GLUD1: variants seen among roughly 807,000 people sequenced by gnomAD.
GLUD1 encodes the protein glutamate dehydrogenase 1, also known as glutamate dehydrogenase 1, mitochondrial.
A neutral mutation model predicts 56.0 loss-of-function variants in GLUD1; 22 were observed. That is an observed-to-expected ratio of 0.39 (90% CI 0.28 to 0.56). The LOEUF (loss-of-function observed/expected upper bound fraction) is 0.56. Ranked by LOEUF, GLUD1 falls within the 20% of genes least tolerant of loss-of-function variation. The pLI, the probability that GLUD1 is intolerant of heterozygous loss-of-function variation, is 0.58. For missense variants in GLUD1, 451 were observed against 732.0 expected, an observed-to-expected ratio of 0.62 and a Z score of 4.43; for synonymous variants, 223 against 269.9, an observed-to-expected ratio of 0.83 and a Z score of 1.70.
intron 1 of GLUD1, among the ~76,000 whole-genome samples, chr10:87,088,006 G>A (rs1432504514): frequency 1.3e-5 from 2 of 152,028 alleles, no homozygotes; most frequent in African/African-American, 4.8e-5. Context: ...GCTTGAACCT[G>A]GTAAGCAGAG....
At chr10:87,054,442 CCA>C (rs1845714883) in intron 11 of GLUD1, among the ~76,000 whole-genome samples, 1 of 152,094 alleles carries the variant, frequency 6.6e-6, no homozygotes, top group Non-Finnish European at 1.5e-5. Flanking sequence ...AGGGAGAAAA[CCA>C]GGAGAATGTG....
chr10:87,050,852 G>C lies in GLUD1; in HGVS notation c.*899C>G, dbSNP rs1472582264. ...GGTTTTTTTCTGGGACACTCTACTT[G>C]AATTATTGTTTAATTAGTCAACCAT... On this transcript the variant is annotated 3_prime_UTR_variant, in exon 13 of 13. Coordinates refer to ENST00000277865, the MANE Select transcript of GLUD1 (RefSeq NM_005271.5). 6.6e-6 allele frequency: 1 copy of C among 152,158 alleles called. No individual in the cohort carries two copies. The highest frequency in any genetic ancestry group is 1.9e-4 in the East Asian group (1 of 5,198). 9.4% of individuals were successfully genotyped at this position (152,158 alleles called of 1,614,324 possible). A position where few individuals can be genotyped will look rare whatever the true frequency, so the allele number is the denominator to read the frequency against.
At chr10:87,090,587 C>A (rs1174253701) in intron 1 of GLUD1, among the ~76,000 whole-genome samples, 3 of 152,094 alleles carry the variant, frequency 2.0e-5, no homozygotes, top group Non-Finnish European at 2.9e-5. Flanking sequence ...AATAAAAAGG[C>A]ATAAGGGCAA....
chr10:87,079,904 C>T (rs1386580276), intron 1 of GLUD1, among the ~76,000 whole-genome samples: 3 of 113,036 alleles, frequency 2.7e-5, no homozygotes, highest in Admixed American at 8.7e-5. Flanking sequence ...CTCTCCCTCC[C>T]CCTCCCCCTC....
chr10:87,052,304 T>C (rs549276978), intron 12 of GLUD1, among the ~76,000 whole-genome samples: 2 of 152,012 alleles, frequency 1.3e-5, no homozygotes, highest in African/African-American at 4.8e-5. Flanking sequence ...CTGACCAATA[T>C]GGTGAAACCC....
At chr10:87,066,639 T>C (rs900249476) in intron 5 of GLUD1, among the ~76,000 whole-genome samples, 6 of 152,184 alleles carry the variant, frequency 3.9e-5, no homozygotes, top group African/African-American at 1.2e-4. Flanking sequence ...TTTTATCTCC[T>C]AGGAGGCTTT....
chr10:87,081,455 G>C (rs979856564), intron 1 of GLUD1, among the ~76,000 whole-genome samples: 1 of 152,252 alleles, frequency 6.6e-6, no homozygotes, highest in African/African-American at 2.4e-5. Context: ...GTGCCCAACA[G>C]CTCACTGAGA....
chr10:87,065,492 T>C (rs527594425), intron 5 of GLUD1, among the ~76,000 whole-genome samples: 1 of 152,226 alleles, frequency 6.6e-6, no homozygotes, highest in East Asian at 1.9e-4. Context: ...TTCTCAGTGC[T>C]AACAGCAAGA....
chr10:87,074,410 A>G (rs1846325637), intron 4 of GLUD1, 141 bp downstream of exon 4: 1 of 667,114 alleles, frequency 1.5e-6, no homozygotes, highest in Non-Finnish European at 2.8e-6. Context: ...CTGAGACAAG[A>G]GAATTGCTTG....
At chr10:87,090,973 C>T (rs894268704) in intron 1 of GLUD1, among the ~76,000 whole-genome samples, 16 of 152,150 alleles carry the variant, frequency 1.1e-4, no homozygotes, top group Admixed American at 3.3e-4. Flanking sequence ...GCGTCTTTAA[C>T]ACTGCATTGA....
intron 4 of GLUD1, among the ~76,000 whole-genome samples, chr10:87,071,351 AT>A (rs1001860466): frequency 6.0e-5 from 9 of 150,048 alleles, no homozygotes; most frequent in African/African-American, 1.7e-4. Context: ...TGCCTGGCTA[AT>A]TTTTTTTTAT....
intron 1 of GLUD1, among the ~76,000 whole-genome samples, chr10:87,076,984 G>A (rs1415979855): frequency 1.3e-5 from 2 of 152,026 alleles, no homozygotes; most frequent in African/African-American, 4.8e-5. Context: ...CTGGTTGCAG[G>A]GAGTTCAAGA....
intron 6 of GLUD1, among the ~76,000 whole-genome samples, chr10:87,061,493 G>A (rs1052098675): frequency 2.0e-5 from 3 of 152,172 alleles, no homozygotes; most frequent in Non-Finnish European, 4.4e-5. Context: ...CTGGGCAATA[G>A]GGTGAGACTC....
chr10:87,061,281 G>A, intron 6 of GLUD1: 1 of 640,990 alleles, frequency 1.6e-6, no homozygotes, highest in East Asian at 3.2e-5. Flanking sequence ...CAGCACTTTG[G>A]GAGGCTGAGG....
intron 8 of GLUD1, 161 bp downstream of exon 8, chr10:87,060,527 C>A: frequency 1.1e-6 from 1 of 930,898 alleles, no homozygotes; most frequent in Non-Finnish European, 1.7e-6. Context: ...TAGCTAAAAG[C>A]CATTAAATTA....
Position 87,064,343 on chromosome 10 carries a change from C to T in GLUD1, c.742-1508G>A, listed in dbSNP as rs796834733. Among the ~76,000 whole-genome samples the T allele has an allele frequency of 9.9e-5, 15 of 152,188 alleles. No homozygotes were observed. The South Asian group carries it at 1.0e-3, about 11-fold the overall frequency. On this transcript the variant is annotated intron_variant, in intron 5 of 12. Coordinates refer to ENST00000277865, the MANE Select transcript of GLUD1 (RefSeq NM_005271.5). ...ATCAACTATACTATAAGCACGGCCA[C>T]GAGAACACTGCAGAGTAAACTCATC...
At chr10:87,074,381 A>G (rs1337028459) in intron 4 of GLUD1, among the ~76,000 whole-genome samples, 170 bp downstream of exon 4, 2 of 152,102 alleles carry the variant, frequency 1.3e-5, no homozygotes, top group Admixed American at 6.6e-5. Context: ...CATGCCTGTA[A>G]TCTCAGCTAC....
In GLUD1 at chr10:87,075,968, A is replaced by C; in HGVS notation, c.582T>G (p.Thr194=). Residue 194 remains threonine (T), a splice_region_variant and synonymous_variant, in exon 3 of 13, where the codon ACT becomes ACG. Coordinates refer to ENST00000277865, the MANE Select transcript of GLUD1 (RefSeq NM_005271.5). ...AGVKINPKNY[T]DNELEKITRR... ...AAACAAATATCACTTTCATACTTAC[A>C]GTATAGTTCTTGGGATTGATCTTAA... 1.3e-6 allele frequency: 2 copies of C among 1,566,282 alleles called. No homozygotes were observed. The highest frequency in any genetic ancestry group is 8.8e-7 in the Non-Finnish European group (1 of 1,140,192).
intron 9 of GLUD1, 91 bp downstream of exon 9, chr10:87,060,070 G>A: frequency 1.2e-6 from 1 of 840,212 alleles, no homozygotes; most frequent in African/African-American, 1.7e-5. Flanking sequence ...AGAGCTTGGA[G>A]ACTAATAATT....
Sources: allele counts gnomAD v4.1 joint callset (sites outside exome capture counted in the v4.1 genomes callset), GRCh38; gene constraint gnomAD v4.1.1; transcripts MANE v1.5; gene names NCBI Gene and HGNC (gene_info 2026-07-23, HGNC 2026-07-21).